Variants in DDAH1 observed in about 807,000 individuals in gnomAD.
DDAH1 encodes N(G),N(G)-dimethylarginine dimethylaminohydrolase 1.
DDAH1 carries 19 observed loss-of-function variants against 28.8 expected under a neutral mutation model. The ratio of observed to expected loss-of-function variants is 0.66; its 90% CI spans 0.46 to 0.97. The LOEUF is 0.97. Among genes scored for constraint, DDAH1 ranks in the 50% least tolerant of loss-of-function variants. The probability of loss-of-function intolerance (pLI) is 0.00; values close to 1 mark genes in which losing one functional copy is unlikely to be tolerated. For synonymous variants in DDAH1, 153 were observed against 154.4 expected, an observed-to-expected ratio of 0.99 and a Z score of 0.07; for missense variants, 326 against 375.9, an observed-to-expected ratio of 0.87 and a Z score of 1.10.
At chr1:85,401,656 T>C (rs1652114213) in intron 1 of DDAH1, among the ~76,000 whole-genome samples, 2 of 151,746 alleles carry the variant, frequency 1.3e-5, no homozygotes, top group African/African-American at 4.8e-5. Context: ...CACACTACCA[T>C]GCCCAGCTAA....
Position 85,426,929 on chromosome 1 carries a change from A to AAAC in DDAH1, c.303+37813_303+37814insGTT, listed in dbSNP as rs1653427035. Among the ~76,000 whole-genome samples the AAAC allele has an allele frequency of 2.7e-5, 4 of 150,054 alleles. No individual in the cohort carries two copies. In the South Asian group the frequency reaches 6.3e-4, roughly 24 times the overall value. ...CTGATTCTTAAAAAAAACAAAAAAA[A>AAAC]AAAAAAAAAAGGAAAAAGAAAAATA... On this transcript the variant is annotated intron_variant, in intron 1 of 5. Transcript: ENST00000284031.
intron 2 of DDAH1, among the ~76,000 whole-genome samples, chr1:85,490,764 A>T (rs775732041): frequency 7.2e-5 from 11 of 152,202 alleles, no homozygotes; most frequent in Non-Finnish European, 1.3e-4. Flanking sequence ...AATAGTATGC[A>T]TATTAAGAAA....
intron 1 of DDAH1, among the ~76,000 whole-genome samples, chr1:85,503,566 T>TATCC (rs1553142816): frequency 2.9e-4 from 43 of 146,522 alleles, no homozygotes; most frequent in Middle Eastern, 3.6e-3. Context: ...TCTATCTATC[T>TATCC]ATCCATCTAT....
In DDAH1 at chr1:85,321,431, T is replaced by A. The variant is rs233116; in HGVS notation, c.*21A>T. On this transcript the variant is annotated 3_prime_UTR_variant, in exon 6 of 6. Transcript: ENST00000284031. ...GCCTTGCCTGTGCGGTCTTGCCGGC[T>A]ACCGGGGGGGACTCTGCAGCTCAGG... 22 of 1,557,550 alleles carry A rather than the reference T, an allele frequency of 1.4e-5. No homozygotes were observed. The highest frequency in any genetic ancestry group is 1.9e-5 in the Non-Finnish European group (22 of 1,128,862).
intron 1 of DDAH1, among the ~76,000 whole-genome samples, chr1:85,462,529 A>C (rs939113989): frequency 2.0e-5 from 3 of 152,222 alleles, no homozygotes; most frequent in Admixed American, 6.5e-5. Flanking sequence ...TGCAGACATC[A>C]CATGAAAAAA....
At chr1:85,535,911 G>A (rs1408732581) in intron 1 of DDAH1, among the ~76,000 whole-genome samples, 5 of 152,154 alleles carry the variant, frequency 3.3e-5, no homozygotes, top group African/African-American at 7.2e-5. Flanking sequence ...ACATACAAAC[G>A]GACAACAGGT....
chr1:85,446,540 C>T (rs1369546135), intron 1 of DDAH1, among the ~76,000 whole-genome samples: 1 of 152,194 alleles, frequency 6.6e-6, no homozygotes, highest in Non-Finnish European at 1.5e-5. Context: ...GGAAAACCCA[C>T]CTGGCCCACT....
Position 85,542,554 on chromosome 1 carries a change from A to G in DDAH1, c.-123+35430T>C, listed in dbSNP as rs2100786573. 1.3e-5 allele frequency among the ~76,000 whole-genome samples: 2 copies of G among 152,316 alleles called. 1 individual carries two copies. The highest frequency in any genetic ancestry group is 4.1e-4 in the South Asian group (2 of 4,828). ...ACACCATAAATGGTGATAAAATGTG[A>G]GGGTTCAAGAGCTACTTGGAAGGTT... On this transcript the variant is annotated intron_variant, in intron 1 of 6. Transcript: ENST00000426972.
chr1:85,364,195 T>G (rs1259886354), intron 1 of DDAH1, among the ~76,000 whole-genome samples: 1 of 152,178 alleles, frequency 6.6e-6, no homozygotes, highest in Non-Finnish European at 1.5e-5. Context: ...ATGATTAAGA[T>G]TCTCCTGAGG....
intron 1 of DDAH1, among the ~76,000 whole-genome samples, chr1:85,509,182 TG>T (rs1354527625): frequency 6.6e-6 from 1 of 152,234 alleles, no homozygotes; most frequent in Non-Finnish European, 1.5e-5. Context: ...CAGCCTATGC[TG>T]GTGATACCCA....
chr1:85,331,679 T>G (rs893503405), intron 4 of DDAH1, among the ~76,000 whole-genome samples: 1 of 152,178 alleles, frequency 6.6e-6, no homozygotes, highest in African/African-American at 2.4e-5. Context: ...ATTCTAAAAC[T>G]GATAGCATAT....
intron 1 of DDAH1, among the ~76,000 whole-genome samples, chr1:85,359,831 G>T (rs1049714819): frequency 2.0e-5 from 3 of 152,162 alleles, no homozygotes; most frequent in Non-Finnish European, 2.9e-5. Context: ...GATATTCTGG[G>T]TTGAATTAAG....
intron 1 of DDAH1, among the ~76,000 whole-genome samples, chr1:85,371,661 T>G (rs1650391712): frequency 6.6e-6 from 1 of 152,142 alleles, no homozygotes; most frequent in South Asian, 2.1e-4. Context: ...TCAAACACAT[T>G]TCAGATCAGT....
At chr1:85,577,855 G>C (rs1402483490) in intron 1 of DDAH1, 2 of 492,748 alleles carry the variant, frequency 4.1e-6, no homozygotes, top group Non-Finnish European at 5.3e-6. Flanking sequence ...CTTCTCCGTG[G>C]ATTGCAATCC....
At chr1:85,445,031 T>C (rs892224562) in intron 1 of DDAH1, among the ~76,000 whole-genome samples, 3 of 152,148 alleles carry the variant, frequency 2.0e-5, no homozygotes, top group African/African-American at 7.2e-5. Context: ...AGGAGAAAGA[T>C]GTAGGCTGGG....
At chr1:85,467,841 A>G (rs1391408000), upstream of DDAH1, among the ~76,000 whole-genome samples, 2 of 152,234 alleles carry the variant, frequency 1.3e-5, no homozygotes, top group Non-Finnish European at 2.9e-5. Flanking sequence ...GCACAAAGAC[A>G]TGATCCTTAC....
intron 1 of DDAH1, among the ~76,000 whole-genome samples, chr1:85,379,047 T>C (rs1185553155): frequency 6.6e-6 from 1 of 152,242 alleles, no homozygotes; most frequent in African/African-American, 2.4e-5. Context: ...TAGCACTTAA[T>C]CTATTGCTCC....
chr1:85,426,056 T>C (rs879688109), intron 1 of DDAH1, among the ~76,000 whole-genome samples: 3 of 152,176 alleles, frequency 2.0e-5, no homozygotes, highest in South Asian at 2.1e-4. Flanking sequence ...TCTCATAGGA[T>C]TGTTGCAAGA....
At position 85,491,553 on chromosome 1, in the gene DDAH1, G is replaced by A. The variant is rs555065353; in HGVS notation, c.-7+4613C>T. ...ACTGGAAACATACATCAGAAATAGAGAGTATAAGCCCTAAAAGTGTGCTTG... is the reference window on the plus strand; with the variant it reads ...ACTGGAAACATACATCAGAAATAGAAAGTATAAGCCCTAAAAGTGTGCTTG... On this transcript the variant is annotated intron_variant, in intron 2 of 6. Transcript: ENST00000426972. Among the ~76,000 whole-genome samples the A allele has an allele frequency of 3.9e-4, 60 of 152,286 alleles. 1 individual carries two copies. The highest frequency in any genetic ancestry group is 1.4e-3 in the African/African-American group (57 of 41,558).
Sources: allele counts gnomAD v4.1 joint callset (sites outside exome capture counted in the v4.1 genomes callset), GRCh38; gene constraint gnomAD v4.1.1; transcripts MANE v1.5; gene names NCBI Gene and HGNC (gene_info 2026-07-23, HGNC 2026-07-21).